Variants in MYO1B observed in about 807,000 individuals in gnomAD.
MYO1B encodes the protein unconventional myosin-Ib.
MYO1B carries 72 observed loss-of-function variants against 159.7 expected under a neutral mutation model. The observed-to-expected ratio is 0.45, with a 90% CI of 0.37 to 0.55. MYO1B has a LOEUF of 0.55. Among genes scored for constraint, MYO1B ranks in the 20% least tolerant of loss-of-function variants. MYO1B has a pLI of 0.00. For synonymous variants in MYO1B, 468 were observed against 473.8 expected (o/e 0.99, Z 0.16); for missense variants, 1,062 against 1,364.8 (o/e 0.78, Z 3.50).
chr2:191,375,271 C>CA (rs1694624757), intron 13 of MYO1B, among the ~76,000 whole-genome samples: 1 of 152,178 alleles, frequency 6.6e-6, no homozygotes, highest in Non-Finnish European at 1.5e-5. Flanking sequence ...TCATTGTAGT[C>CA]TGGTAGGTAC....
intron 2 of MYO1B, among the ~76,000 whole-genome samples, chr2:191,280,304 C>T (rs1306571625): frequency 3.9e-5 from 6 of 152,144 alleles, no homozygotes; most frequent in Non-Finnish European, 7.4e-5. Context: ...TGCAAGTAGC[C>T]GTCACACCCA....
intron 15 of MYO1B, among the ~76,000 whole-genome samples, chr2:191,383,933 T>C (rs1332100866): frequency 6.6e-6 from 1 of 152,202 alleles, no homozygotes; most frequent in Admixed American, 6.5e-5. Context: ...CCTCTGGAGC[T>C]GAATTAAGTG....
At chr2:191,296,062 T>C in intron 2 of MYO1B, 49 bp from the exon 3 acceptor site, 1 of 1,108,632 alleles carries the variant, frequency 9.0e-7, no homozygotes, top group Non-Finnish European at 1.3e-6. Flanking sequence ...GACGTTAAAA[T>C]ACATTTTGTG....
chr2:191,393,458 A>G (rs1397772818), intron 20 of MYO1B, among the ~76,000 whole-genome samples: 2 of 152,198 alleles, frequency 1.3e-5, no homozygotes, highest in East Asian at 1.9e-4. Flanking sequence ...TGAATCCAAG[A>G]CAGTATTAGA....
intron 23 of MYO1B, chr2:191,401,787 C>G (rs1696632038): frequency 6.6e-6 from 1 of 152,218 alleles, no homozygotes; most frequent in African/African-American, 2.4e-5. Flanking sequence ...ACTTGTTCCT[C>G]TAGTCAACTG....
At chr2:191,267,057 A>G (rs1452231586) in intron 1 of MYO1B, among the ~76,000 whole-genome samples, 2 of 152,020 alleles carry the variant, frequency 1.3e-5, no homozygotes, top group African/African-American at 4.8e-5. Flanking sequence ...ATACTCAGAC[A>G]GAAACAGACC....
chr2:191,418,583 G>A (rs747987766), intron 30 of MYO1B, among the ~76,000 whole-genome samples: 16 of 137,078 alleles, frequency 1.2e-4, no homozygotes, highest in Non-Finnish European at 2.1e-4. Flanking sequence ...TCCGCCTCCC[G>A]GGTTCAAGGG....
At chr2:191,414,249 A>G (rs1697426615) in intron 28 of MYO1B, 69 bp downstream of exon 28, 18 of 1,533,572 alleles carry the variant, frequency 1.2e-5, no homozygotes, top group Non-Finnish European at 1.6e-5. Flanking sequence ...TGTTTTCTGA[A>G]TGTAAAAATT....
rs1273474580 is a variant in MYO1B at position 191,345,390 on chromosome 2, G to T, written c.452-846G>T. On this transcript the variant is annotated intron_variant, in intron 5 of 30. Transcript: ENST00000392318. Reference sequence around the variant, plus strand: ...TTAATCTTCTACTACCATGGCCCAGGTTAACTTGCTCCTATCTTATGCACA... The same window carrying T: ...TTAATCTTCTACTACCATGGCCCAGTTTAACTTGCTCCTATCTTATGCACA... Among the ~76,000 whole-genome samples, 3 of 152,270 alleles carry T rather than the reference G, an allele frequency of 2.0e-5. No homozygotes were observed. In the East Asian group the frequency reaches 5.8e-4, roughly 29 times the overall value.
At chr2:191,411,312 G>A in intron 27 of MYO1B, 140 bp downstream of exon 27, 1 of 561,086 alleles carries the variant, frequency 1.8e-6, no homozygotes, top group East Asian at 3.0e-5. Context: ...TAATCAGCTT[G>A]ATGTAAACAC....
intron 3 of MYO1B, among the ~76,000 whole-genome samples, chr2:191,324,415 A>G (rs902167468): frequency 1.3e-5 from 2 of 151,654 alleles, no homozygotes; most frequent in African/African-American, 4.8e-5. Flanking sequence ...ATAGTTCTTC[A>G]TGGGTTGTCC....
At position 191,422,986 on chromosome 2, in the gene MYO1B, A is replaced by G. The variant is rs148008498; in HGVS notation, c.3288-851A>G. On this transcript the variant is annotated intron_variant, in intron 30 of 30. Coordinates refer to ENST00000392318, the MANE Select transcript of MYO1B (RefSeq NM_001130158.3). The stretch of plus-strand genomic sequence containing the variant: ...GCTAAATGAGGACTACTGGAGGTAA[A>G]TTGCATTGATACAATTCTGTGTAAG... Among the ~76,000 whole-genome samples the G allele has an allele frequency of 1.9e-3, 292 of 152,340 alleles. 3 individuals carry two copies. Among genetic ancestry groups the G allele is most frequent in the African/African-American group, 6.0e-3 (248 of 41,584 alleles).
chr2:191,421,436 G>A (rs1381904939), intron 30 of MYO1B, among the ~76,000 whole-genome samples: 2 of 152,028 alleles, frequency 1.3e-5, no homozygotes, highest in Admixed American at 6.5e-5. Context: ...GGTTATTGGG[G>A]AAAGAAGTTC....
chr2:191,411,091 C>T lies in MYO1B; in HGVS notation c.2792C>T (p.Thr931Ile). 1 of 1,609,998 alleles carries T rather than the reference C, an allele frequency of 6.2e-7. No homozygotes were observed. Among genetic ancestry groups the T allele is most frequent in the Non-Finnish European group, 8.5e-7 (1 of 1,178,440 alleles). The part of the protein sequence containing the change: ...WRCKKYRDQF[T>I]DQQKLIYEEK... Reference sequence around the variant, plus strand: ...TGTAAAAAATACAGGGACCAATTCACAGACCAGCAGAAACTTATTTATGAA... The same window carrying T: ...TGTAAAAAATACAGGGACCAATTCATAGACCAGCAGAAACTTATTTATGAA... Residue 931 changes from threonine to isoleucine, a missense_variant, in exon 27 of 31, where the codon ACA becomes ATA. Physicochemically the swap from Thr to Ile is moderately conservative, Grantham distance 89 (BLOSUM62 -1). This residue lies in a region of MYO1B where 609 missense variants were observed against 744.4 expected (regional missense o/e 0.82). Transcript: ENST00000392318.
At position 191,350,197 on chromosome 2, in the gene MYO1B, C is replaced by A. The variant is rs771424232; in HGVS notation, c.534C>A (p.Gly178=). 1.2e-6 allele frequency: 2 copies of A among 1,612,598 alleles called. No individual in the cohort carries two copies. Among genetic ancestry groups the A allele is most frequent in the Admixed American group, 1.7e-5 (1 of 59,974 alleles). ...TGGATATTGAATTTGACTTTAAAGG[C>A]GATCCACTAGGAGGAGTAATAAGTA... ...KYMDIEFDFK[G]DPLGGVISNY... is the part of the protein sequence containing the mutation. Residue 178 remains glycine, a synonymous_variant, in exon 7 of 31, where the codon GGC becomes GGA. Transcript: ENST00000392318.
chr2:191,418,598 T>C (rs954277626), intron 30 of MYO1B, among the ~76,000 whole-genome samples: 1 of 146,898 alleles, frequency 6.8e-6, no homozygotes, highest in African/African-American at 2.5e-5. Context: ...CAAGGGATTA[T>C]TCTGCCTCAG....
intron 11 of MYO1B, among the ~76,000 whole-genome samples, chr2:191,366,000 C>T (rs756617236): frequency 3.3e-5 from 5 of 152,028 alleles, no homozygotes; most frequent in East Asian, 1.9e-4. Context: ...GGGGTAGGAC[C>T]GAGGAATTTG....
At chr2:191,289,985 T>A (rs1688602774) in intron 2 of MYO1B, among the ~76,000 whole-genome samples, 1 of 152,244 alleles carries the variant, frequency 6.6e-6, no homozygotes, top group South Asian at 2.1e-4. Flanking sequence ...GAGACTTACA[T>A]AATATTAAAG....
At position 191,419,224 on chromosome 2, in the gene MYO1B, C is replaced by CT. The variant is rs879814207; in HGVS notation, c.3287+2994dup. 1.4e-3 allele frequency among the ~76,000 whole-genome samples: 202 copies of CT among 146,724 alleles called. 1 individual carries two copies. The highest frequency in any genetic ancestry group is 3.8e-3 in the Admixed American group (56 of 14,734). On this transcript the variant is annotated intron_variant, in intron 30 of 30. Transcript: ENST00000392318. The stretch of plus-strand genomic sequence containing the variant: ...TGGTTTATGTATTTATTATACTATA[C>CT]TTTTTTTTTTTTGAGACTCAGTCTT...
Sources: allele counts gnomAD v4.1 joint callset (sites outside exome capture counted in the v4.1 genomes callset), GRCh38; gene constraint gnomAD v4.1.1; regional missense constraint gnomAD v4.1.1; transcripts MANE v1.5; gene names NCBI Gene and HGNC (gene_info 2026-07-23, HGNC 2026-07-21).